SEM1: variants seen among roughly 807,000 people sequenced by gnomAD.
The protein encoded by SEM1 is SEM1 26S proteasome subunit.
SEM1 carries 3 observed loss-of-function variants against 12.7 expected under a neutral mutation model. The ratio of observed to expected loss-of-function variants is 0.24; its 90% CI spans 0.11 to 0.61. The LOEUF is 0.61. SEM1 is among the 20% of genes least tolerant of loss of function. The pLI, the probability that SEM1 is intolerant of heterozygous loss-of-function variation, is 0.88. For synonymous variants in SEM1, 30 were observed against 27.8 expected (o/e 1.08, Z -0.25); for missense variants, 59 against 81.3 (o/e 0.73, Z 1.06).
intron 1 of SEM1, among the ~76,000 whole-genome samples, chr7:96,697,675 A>G (rs1790140595): frequency 6.6e-6 from 1 of 152,174 alleles, no homozygotes; most frequent in South Asian, 2.1e-4. Flanking sequence ...ACATGCAAGT[A>G]TATACAGAAC....
intron 2 of SEM1, among the ~76,000 whole-genome samples, chr7:96,676,269 T>C (rs946257332): frequency 6.6e-6 from 1 of 152,228 alleles, no homozygotes; most frequent in East Asian, 1.9e-4. Context: ...ATTACAGTAA[T>C]GCAATGACAT....
intron 2 of SEM1, among the ~76,000 whole-genome samples, chr7:96,568,714 T>G (rs1444654778): frequency 6.6e-6 from 1 of 151,896 alleles, no homozygotes; most frequent in Non-Finnish European, 1.5e-5. Flanking sequence ...AAATCTTCAT[T>G]TAGCTCCTAA....
At chr7:96,558,369 CATGT>C (rs1485416693) in intron 2 of SEM1, 3 of 152,228 alleles carry the variant, frequency 2.0e-5, no homozygotes, top group Admixed American at 2.0e-4. Flanking sequence ...TACAAGCATG[CATGT>C]GACGGTGCCG....
At chr7:96,499,715 C>T (rs374239802), upstream of SEM1, among the ~76,000 whole-genome samples, 35 of 152,156 alleles carry the variant, frequency 2.3e-4, no homozygotes, top group African/African-American at 7.5e-4. Context: ...CATGAGTAGT[C>T]ACTAGGCATA....
intron 2 of SEM1, among the ~76,000 whole-genome samples, chr7:96,568,038 G>A (rs1228460854): frequency 6.6e-6 from 1 of 151,296 alleles, no homozygotes; most frequent in African/African-American, 2.4e-5. Context: ...GTTTTTCTTC[G>A]ATCTCTGCTA....
exon 4 of SEM1, chr7:96,483,123 T>G (rs1802610758): frequency 6.6e-6 from 1 of 152,228 alleles, no homozygotes; most frequent in African/African-American, 2.4e-5. Flanking sequence ...ACTAAATAAG[T>G]ACTTCATAGG....
intron 2 of SEM1, among the ~76,000 whole-genome samples, chr7:96,523,666 G>A (rs183350232): frequency 1.7e-3 from 253 of 152,118 alleles, no homozygotes; most frequent in African/African-American, 5.8e-3. Flanking sequence ...TCCACCTTCA[G>A]CACCTGCCCA....
intron 3 of SEM1, among the ~76,000 whole-genome samples, chr7:96,502,648 A>G (rs866276680): frequency 2.6e-5 from 4 of 152,350 alleles, no homozygotes; most frequent in Middle Eastern, 3.4e-3. Flanking sequence ...TTATGTCAAA[A>G]TAGCCTAATA....
At chr7:96,652,061 G>C (rs1809008616) in intron 2 of SEM1, among the ~76,000 whole-genome samples, 2 of 152,020 alleles carry the variant, frequency 1.3e-5, no homozygotes, top group Non-Finnish European at 2.9e-5. Context: ...CATTGCTTTG[G>C]ATAGCATGTA....
At chr7:96,629,676 G>T (rs1327604063) in intron 2 of SEM1, among the ~76,000 whole-genome samples, 1 of 152,080 alleles carries the variant, frequency 6.6e-6, no homozygotes, top group African/African-American at 2.4e-5. Flanking sequence ...TGCTTTCCTG[G>T]ATGGTCATGA....
chr7:96,507,403 GCAACA>G (rs1803787892), intron 2 of SEM1, among the ~76,000 whole-genome samples: 1 of 152,002 alleles, frequency 6.6e-6, no homozygotes, highest in Non-Finnish European at 1.5e-5. Context: ...TATAACTACT[GCAACA>G]CAAAAGGAAC....
chr7:96,537,498 T>A (rs1804822029), intron 2 of SEM1, among the ~76,000 whole-genome samples: 2 of 151,760 alleles, frequency 1.3e-5, no homozygotes. Context: ...TCTCCCTCAC[T>A]TTTAAAAGAT....
At chr7:96,694,663 T>C in intron 2 of SEM1, 135 bp downstream of exon 2, 1 of 480,338 alleles carries the variant, frequency 2.1e-6, no homozygotes, top group Non-Finnish European at 3.7e-6. Flanking sequence ...GAAGACAATA[T>C]GTCTTACTTT....
downstream of SEM1, among the ~76,000 whole-genome samples, chr7:96,687,210 T>C (rs1035067931): frequency 1.4e-4 from 21 of 152,172 alleles, no homozygotes; most frequent in Non-Finnish European, 2.4e-4. Flanking sequence ...AGTTCAACCA[T>C]TGTGGAAGTC....
intron 2 of SEM1, among the ~76,000 whole-genome samples, chr7:96,539,260 G>T (rs990672859): frequency 6.6e-6 from 1 of 151,790 alleles, no homozygotes; most frequent in African/African-American, 2.4e-5. Context: ...ATGAAGCAGA[G>T]AATCTGGCTA....
chr7:96,661,616 C>T (rs1047373104), intron 2 of SEM1, among the ~76,000 whole-genome samples: 1 of 152,050 alleles, frequency 6.6e-6, no homozygotes, highest in African/African-American at 2.4e-5. Context: ...GAAAGACCCA[C>T]AAAACAATTG....
At chr7:96,556,389 G>A (rs570591609) in intron 2 of SEM1, among the ~76,000 whole-genome samples, 67 of 152,166 alleles carry the variant, frequency 4.4e-4, no homozygotes, top group Middle Eastern at 3.4e-3. Context: ...AGGCCTGGTG[G>A]TGACAAAATT....
At chr7:96,673,866 A>G (rs1040743828) in intron 2 of SEM1, 6 of 764,912 alleles carry the variant, frequency 7.8e-6, no homozygotes, top group Non-Finnish European at 1.2e-5. Context: ...TGCCCTGGAA[A>G]ACAGACTTTG....
intron 1 of SEM1, among the ~76,000 whole-genome samples, chr7:96,494,125 C>T (rs767159236): frequency 6.6e-5 from 10 of 152,112 alleles, no homozygotes; most frequent in South Asian, 2.1e-4. Flanking sequence ...AGAAATCTCT[C>T]GTAGTGGTTG....
Sources: allele counts gnomAD v4.1 joint callset (sites outside exome capture counted in the v4.1 genomes callset), GRCh38; gene constraint gnomAD v4.1.1; transcripts MANE v1.5; gene names NCBI Gene and HGNC (gene_info 2026-07-23, HGNC 2026-07-21).